Variants in ADCY9 observed in about 807,000 individuals in gnomAD.
ADCY9 encodes the protein adenylate cyclase 9.
ADCY9 carries 50 observed loss-of-function variants against 101.5 expected under a neutral mutation model. That is an observed-to-expected ratio of 0.49 (90% CI 0.39 to 0.62). The LOEUF is 0.62. ADCY9 is among the 20% of genes least tolerant of loss of function. ADCY9 has a pLI of 0.00. For synonymous variants in ADCY9, 905 were observed against 769.3 expected, an observed-to-expected ratio of 1.18 and a Z score of -2.92; for missense variants, 1,662 against 1,800.4, an observed-to-expected ratio of 0.92 and a Z score of 1.39.
At chr16:4,002,569 G>A (rs1367889862) in intron 3 of ADCY9, among the ~76,000 whole-genome samples, 1 of 152,160 alleles carries the variant, frequency 6.6e-6, no homozygotes, top group Non-Finnish European at 1.5e-5. Flanking sequence ...AGCAGCCCGG[G>A]GTTCTGAATA....
At chr16:3,993,310 ACT>A in intron 4 of ADCY9, 94 bp downstream of exon 4, 2 of 1,555,124 alleles carry the variant, frequency 1.3e-6, no homozygotes, top group East Asian at 4.6e-5. Context: ...AAGAGGAGTT[ACT>A]CTCAGAACTA....
At chr16:3,983,496 G>A (rs530874661) in intron 6 of ADCY9, 56 bp from the exon 7 acceptor site, 23 of 1,452,878 alleles carry the variant, frequency 1.6e-5, no homozygotes, top group Middle Eastern at 1.8e-4. Flanking sequence ...GGCCAGGAGC[G>A]CAGTTCAGAT....
chr16:4,023,443 T>C (rs568577134), intron 2 of ADCY9, among the ~76,000 whole-genome samples: 14 of 152,226 alleles, frequency 9.2e-5, no homozygotes, highest in East Asian at 1.9e-4. Context: ...ATGGAGGCAA[T>C]TGCGGTGGTG....
At chr16:4,027,852 G>A (rs2056528076) in intron 2 of ADCY9, among the ~76,000 whole-genome samples, 1 of 151,424 alleles carries the variant, frequency 6.6e-6, no homozygotes, top group African/African-American at 2.4e-5. Flanking sequence ...ACTCCAGCCT[G>A]GGTGACAAGA....
chr16:4,098,164 G>A (rs1310543670), intron 2 of ADCY9, among the ~76,000 whole-genome samples: 1 of 152,038 alleles, frequency 6.6e-6, no homozygotes, highest in East Asian at 1.9e-4. Flanking sequence ...GGTTTGCTGG[G>A]CTGGGGGAGG....
Position 3,965,946 on chromosome 16 carries a change from G to C in ADCY9, c.3891C>G (p.Ser1297Arg). The C allele has an allele frequency of 6.2e-7, 1 of 1,614,178 alleles. No homozygotes were observed. The change falls in exon 11 of 11, where the codon AGC (serine) becomes AGG (arginine). Residue 1297 changes from serine (S) to arginine (R), a missense_variant. Ser to Arg is a moderately radical substitution (Grantham distance 110). This residue lies in a region of ADCY9 where 168 missense variants were observed against 155.3 expected (regional missense o/e 1.08). Coordinates refer to ENST00000294016, the MANE Select transcript of ADCY9 (RefSeq NM_001116.4). Reference protein sequence around the residue: ...YVDKTSLGSDSSTQAKDAHLS... With the variant: ...YVDKTSLGSDRSTQAKDAHLS... ...GGTGGGCATCCTTGGCCTGCGTGCT[G>C]CTGTCAGAACCCAGAGATGTCTTGT...
At chr16:4,111,887 C>A (rs1424362097) in intron 2 of ADCY9, among the ~76,000 whole-genome samples, 1 of 147,764 alleles carries the variant, frequency 6.8e-6, no homozygotes, top group Non-Finnish European at 1.5e-5. Context: ...GACCCCTGAT[C>A]TACAAACTTA....
intron 2 of ADCY9, among the ~76,000 whole-genome samples, chr16:4,107,841 G>T (rs2057087800): frequency 1.3e-5 from 2 of 152,104 alleles, no homozygotes; most frequent in African/African-American, 4.8e-5. Context: ...AACGCATACA[G>T]AATGCCTCCG....
intron 2 of ADCY9, among the ~76,000 whole-genome samples, chr16:4,058,664 C>A (rs1001757652): frequency 6.6e-6 from 1 of 151,976 alleles, no homozygotes; most frequent in African/African-American, 2.4e-5. Context: ...TATGTGTGAT[C>A]AGGAGGATAA....
At chr16:4,038,437 T>TC (rs2056604797) in intron 2 of ADCY9, among the ~76,000 whole-genome samples, 1 of 152,108 alleles carries the variant, frequency 6.6e-6, no homozygotes, top group African/African-American at 2.4e-5. Context: ...CCTTTGCTCT[T>TC]CTGTCATGTG....
chr16:3,978,443 C>T (rs1312695349), intron 8 of ADCY9, among the ~76,000 whole-genome samples: 1 of 152,212 alleles, frequency 6.6e-6, no homozygotes, highest in Non-Finnish European at 1.5e-5. Context: ...AGCAGCCGAC[C>T]CGGGCACAAG....
chr16:4,021,937 T>TA (rs1302236759), intron 2 of ADCY9, among the ~76,000 whole-genome samples: 1 of 152,208 alleles, frequency 6.6e-6, no homozygotes, highest in Non-Finnish European at 1.5e-5. Flanking sequence ...CATGGCTCCT[T>TA]ACATTTCTGT....
chr16:4,089,244 T>A (rs957387459), intron 2 of ADCY9, among the ~76,000 whole-genome samples: 3 of 151,930 alleles, frequency 2.0e-5, no homozygotes, highest in Non-Finnish European at 2.9e-5. Flanking sequence ...CTGGCTAATT[T>A]TTGAGTTGAC....
intron 6 of ADCY9, among the ~76,000 whole-genome samples, chr16:3,985,288 C>G (rs920409325): frequency 6.6e-6 from 1 of 151,956 alleles, no homozygotes; most frequent in Non-Finnish European, 1.5e-5. Flanking sequence ...GACAGGCACC[C>G]GCCACCACGC....
chr16:4,033,221 C>T (rs1443915234), intron 2 of ADCY9, among the ~76,000 whole-genome samples: 2 of 152,098 alleles, frequency 1.3e-5, no homozygotes. Flanking sequence ...AGTTTTGGTC[C>T]TAAATTCTTT....
chr16:3,996,194 C>G (rs1258076607), intron 3 of ADCY9, among the ~76,000 whole-genome samples: 1 of 152,068 alleles, frequency 6.6e-6, no homozygotes, highest in African/African-American at 2.4e-5. Flanking sequence ...GACCTTGTCT[C>G]TACTAAAAAT....
At chr16:4,100,033 C>T (rs1297620000) in intron 2 of ADCY9, among the ~76,000 whole-genome samples, 3 of 152,116 alleles carry the variant, frequency 2.0e-5, no homozygotes, top group Non-Finnish European at 2.9e-5. Flanking sequence ...TTGTAATCCC[C>T]ATGTGTCGAG....
intron 2 of ADCY9, among the ~76,000 whole-genome samples, chr16:4,086,467 G>A (rs770988210): frequency 7.9e-5 from 12 of 152,026 alleles, no homozygotes; most frequent in Non-Finnish European, 1.5e-4. Context: ...CAGCTGGCAC[G>A]GACCCAGGAG....
intron 2 of ADCY9, among the ~76,000 whole-genome samples, chr16:4,025,833 G>A (rs1384260891): frequency 1.3e-5 from 2 of 152,198 alleles, no homozygotes; most frequent in Non-Finnish European, 2.9e-5. Context: ...AGTGGGGACA[G>A]CAAAGTAGGA....
Sources: gnomAD v4.1 joint callset for allele counts (sites outside exome capture counted in the v4.1 genomes callset) on GRCh38, gnomAD v4.1.1 for gene constraint, gnomAD v4.1.1 regional missense constraint, MANE v1.5 for transcripts, NCBI Gene and HGNC (gene_info 2026-07-23, HGNC 2026-07-21) for gene names.